NDST4: variants seen among roughly 807,000 people sequenced by gnomAD.
NDST4 encodes N-heparan sulfate sulfotransferase 4.
Under a neutral mutation model 100.8 loss-of-function variants are expected in NDST4, and 63 were observed. The observed-to-expected ratio is 0.62, with a 90% CI of 0.51 to 0.77. The LOEUF (loss-of-function observed/expected upper bound fraction) is 0.77, where lower values mean the gene tolerates loss of function less well. NDST4 is among the 30% of genes least tolerant of loss of function. The probability of loss-of-function intolerance (pLI) is 0.00; values close to 1 mark genes in which losing one functional copy is unlikely to be tolerated. For synonymous variants in NDST4, 377 were observed against 361.8 expected, an observed-to-expected ratio of 1.04 and a Z score of -0.48; for missense variants, 943 against 1,018.4, an observed-to-expected ratio of 0.93 and a Z score of 1.01.
intron 4 of NDST4, among the ~76,000 whole-genome samples, chr4:114,949,154 G>T (rs1239580255): frequency 6.6e-6 from 1 of 151,840 alleles, no homozygotes; most frequent in African/African-American, 2.4e-5. Context: ...ACCACTTCAA[G>T]AATCCAGTCA....
At chr4:114,908,774 A>T (rs1252599938) in intron 6 of NDST4, among the ~76,000 whole-genome samples, 2 of 152,200 alleles carry the variant, frequency 1.3e-5, no homozygotes, top group Admixed American at 1.3e-4. Flanking sequence ...CTTTTTTCTT[A>T]AACTGATGAA....
At chr4:115,003,327 T>A (rs983476852) in intron 2 of NDST4, among the ~76,000 whole-genome samples, 3 of 152,200 alleles carry the variant, frequency 2.0e-5, no homozygotes, top group African/African-American at 7.2e-5. Flanking sequence ...CCATAGGAAT[T>A]CACAGATTGT....
chr4:114,932,435 C>A (rs1172838285), intron 6 of NDST4, among the ~76,000 whole-genome samples: 1 of 151,728 alleles, frequency 6.6e-6, no homozygotes, highest in Non-Finnish European at 1.5e-5. Context: ...AGATTAGAAG[C>A]AAGAGAAGGA....
chr4:115,012,847 T>C (rs948912250), intron 2 of NDST4, among the ~76,000 whole-genome samples: 2 of 152,040 alleles, frequency 1.3e-5, no homozygotes, highest in African/African-American at 4.8e-5. Context: ...TTAAAATGTA[T>C]GCACAATGGA....
chr4:115,087,652 C>T (rs1338393340), intron 1 of NDST4, among the ~76,000 whole-genome samples: 1 of 151,578 alleles, frequency 6.6e-6, no homozygotes, highest in Non-Finnish European at 1.5e-5. Context: ...TTTTTCACTC[C>T]ATATAAACAA....
chr4:114,869,706 C>A (rs538587869), intron 7 of NDST4, among the ~76,000 whole-genome samples: 1 of 152,210 alleles, frequency 6.6e-6, no homozygotes, highest in East Asian at 1.9e-4. Flanking sequence ...TGACATGTAG[C>A]AGTCAGTTTT....
At chr4:115,015,839 T>C (rs1248667673) in intron 2 of NDST4, among the ~76,000 whole-genome samples, 1 of 152,046 alleles carries the variant, frequency 6.6e-6, no homozygotes. Context: ...TGGCCACCAC[T>C]GATGCACAGT....
At chr4:115,100,894 C>T (rs1050828229) in intron 1 of NDST4, among the ~76,000 whole-genome samples, 1 of 151,650 alleles carries the variant, frequency 6.6e-6, no homozygotes, top group Non-Finnish European at 1.5e-5. Context: ...AAGCAAGATG[C>T]CCTTATCTTT....
At chr4:114,912,757 T>C (rs1560808990) in intron 6 of NDST4, among the ~76,000 whole-genome samples, 1 of 152,122 alleles carries the variant, frequency 6.6e-6, no homozygotes, top group African/African-American at 2.4e-5. Context: ...GGGCAAGAAT[T>C]ATCATGTCTG....
Position 115,076,310 on chromosome 4 carries a change from A to C in NDST4, c.727T>G (p.Ser243Ala). 6.2e-7 allele frequency: 1 copy of C among 1,613,876 alleles called. No individual in the cohort carries two copies. The change falls in exon 2 of 14, where the codon TCC (serine) becomes GCC (alanine). Residue 243 changes from serine (S) to alanine (A), a missense_variant. This residue lies in a region of NDST4 where 417 missense variants were observed against 384.2 expected (regional missense o/e 1.09). Transcript: ENST00000264363. The stretch of plus-strand genomic sequence containing the variant: ...GTTTTGCTAGACAAGGATGACAGGG[A>C]TTTTTCTGTCTGTAACTCAGTTAAA... Reference protein sequence around the residue: ...VLLTELQTEKSLSSLSSKTLF... With the variant: ...VLLTELQTEKALSSLSSKTLF...
chr4:114,912,613 A>G (rs142918836), intron 6 of NDST4, among the ~76,000 whole-genome samples: 1 of 152,300 alleles, frequency 6.6e-6, no homozygotes, highest in East Asian at 1.9e-4. Context: ...GAAGTTTAGC[A>G]AGAACCTTGC....
chr4:114,907,099 T>C (rs1407018297), intron 6 of NDST4, among the ~76,000 whole-genome samples: 1 of 152,144 alleles, frequency 6.6e-6, no homozygotes, highest in Non-Finnish European at 1.5e-5. Flanking sequence ...TATAGCACAT[T>C]GGTAAATTAT....
chr4:115,075,991 A>T (rs2126289531), intron 2 of NDST4, 68 bp downstream of exon 2: 1 of 1,494,860 alleles, frequency 6.7e-7, no homozygotes, highest in Non-Finnish European at 9.0e-7. Context: ...AATCTATCAT[A>T]TTAGTAATAT....
At chr4:114,830,736 G>A (rs191599104) in intron 12 of NDST4, among the ~76,000 whole-genome samples, 10 of 152,302 alleles carry the variant, frequency 6.6e-5, no homozygotes, top group South Asian at 2.1e-4. Context: ...CATCGAAAAG[G>A]TTTGCATTTT....
At chr4:114,841,203 T>C (rs1404012773) in intron 10 of NDST4, among the ~76,000 whole-genome samples, 2 of 152,188 alleles carry the variant, frequency 1.3e-5, no homozygotes, top group Non-Finnish European at 2.9e-5. Context: ...AATATGACCA[T>C]GAAGTCACAA....
chr4:115,074,829 T>C (rs78779008), intron 2 of NDST4, among the ~76,000 whole-genome samples: 1,819 of 152,260 alleles, frequency 0.012, 33 homozygotes, highest in African/African-American at 0.042. Flanking sequence ...AAAACGTCGA[T>C]AACATCTTAA....
chr4:114,856,333 G>C (rs938910817), intron 7 of NDST4, among the ~76,000 whole-genome samples: 1 of 151,920 alleles, frequency 6.6e-6, no homozygotes, highest in African/African-American at 2.4e-5. Context: ...CAAGGTGCTG[G>C]GATTAGCATG....
At chr4:114,979,028 T>C (rs1726705966) in intron 2 of NDST4, among the ~76,000 whole-genome samples, 1 of 152,060 alleles carries the variant, frequency 6.6e-6, no homozygotes. Flanking sequence ...ATCAGTTAGG[T>C]ATCCTTGGTG....
intron 1 of NDST4, among the ~76,000 whole-genome samples, chr4:115,105,361 A>C: frequency 6.6e-6 from 1 of 152,278 alleles, no homozygotes; most frequent in South Asian, 2.1e-4. Context: ...ACAAACTTTC[A>C]CTTACTCAAG....
Sources: allele counts gnomAD v4.1 joint callset (sites outside exome capture counted in the v4.1 genomes callset), GRCh38; gene constraint gnomAD v4.1.1; regional missense constraint gnomAD v4.1.1; transcripts MANE v1.5; gene names NCBI Gene and HGNC (gene_info 2026-07-23, HGNC 2026-07-21).